PAPPA2: variants seen among roughly 807,000 people sequenced by gnomAD.
The protein encoded by PAPPA2 is pappalysin-2.
In PAPPA2, 86 loss-of-function variants were observed where a neutral mutation model predicts 176.4. That is an observed-to-expected ratio of 0.49 (90% CI 0.41 to 0.58). The LOEUF is 0.58. Among genes scored for constraint, PAPPA2 ranks in the 20% least tolerant of loss-of-function variants. PAPPA2 has a pLI of 0.00. For missense variants in PAPPA2, 2,073 were observed against 2,256.9 expected, an observed-to-expected ratio of 0.92 and a Z score of 1.65; for synonymous variants, 809 against 852.2, an observed-to-expected ratio of 0.95 and a Z score of 0.88.
intron 3 of PAPPA2, among the ~76,000 whole-genome samples, chr1:176,668,395 T>C (rs1175539953): frequency 1.3e-5 from 2 of 152,234 alleles, no homozygotes; most frequent in African/African-American, 4.8e-5. Context: ...ACTGCATTTA[T>C]GTATGGCATT....
At chr1:176,687,617 TA>T (rs1194174978) in intron 4 of PAPPA2, among the ~76,000 whole-genome samples, 1 of 152,214 alleles carries the variant, frequency 6.6e-6, no homozygotes, top group Non-Finnish European at 1.5e-5. Flanking sequence ...TTTTCATCTA[TA>T]TTTTCTTTAT....
intron 21 of PAPPA2, among the ~76,000 whole-genome samples, chr1:176,803,217 A>G (rs1328265964): frequency 1.3e-5 from 2 of 152,156 alleles, no homozygotes; most frequent in African/African-American, 4.8e-5. Context: ...CTGTATTGGG[A>G]ACTGGGTCAA....
intron 21 of PAPPA2, among the ~76,000 whole-genome samples, chr1:176,810,142 A>T (rs960176318): frequency 6.6e-6 from 1 of 152,158 alleles, no homozygotes; most frequent in East Asian, 1.9e-4. Context: ...GACGCCCCAC[A>T]TTCTCTGTGG....
Position 176,842,551 on chromosome 1 carries a change from T to G in PAPPA2, c.*97T>G. ...AAGGGTGAATGAAGAAGAACAATCATGAAATGGAAGAAGGAGGAAGAGCAT... is the reference window on the plus strand; with the variant it reads ...AAGGGTGAATGAAGAAGAACAATCAGGAAATGGAAGAAGGAGGAAGAGCAT... On this transcript the variant is annotated 3_prime_UTR_variant, in exon 23 of 23. Transcript: ENST00000367662. 8.9e-7 allele frequency: 1 copy of G among 1,121,726 alleles called. No homozygotes were observed. The highest frequency in any genetic ancestry group is 1.3e-6 in the Non-Finnish European group (1 of 757,208). 69.5% of individuals were successfully genotyped at this position (1,121,726 alleles called of 1,614,324 possible). A position where few individuals can be genotyped will look rare whatever the true frequency, so the allele number is the denominator to read the frequency against.
At position 176,700,206 on chromosome 1, in the gene PAPPA2, T is replaced by G. The variant is rs1660589549; in HGVS notation, c.3236+617T>G. 3.3e-5 allele frequency among the ~76,000 whole-genome samples: 5 copies of G among 152,218 alleles called. No homozygotes were observed. In the South Asian group the frequency reaches 1.0e-3, roughly 31 times the overall value. ...GTTCTACTATGTTCCTGGCACTGCA[T>G]GTTCAGTGCTGGGGGCACAGACTAA... On this transcript the variant is annotated intron_variant, in intron 8 of 22. Transcript: ENST00000367662.
chr1:176,785,822 A>G (rs866460641), intron 17 of PAPPA2, among the ~76,000 whole-genome samples: 1 of 152,134 alleles, frequency 6.6e-6, no homozygotes, highest in African/African-American at 2.4e-5. Context: ...GGCATTCTTG[A>G]ATGGCTCTTT....
chr1:176,538,796 T>G (rs1650216687), intron 1 of PAPPA2, among the ~76,000 whole-genome samples: 1 of 152,208 alleles, frequency 6.6e-6, no homozygotes, highest in South Asian at 2.1e-4. Flanking sequence ...CTGCCAGCTC[T>G]TCATTCATGG....
intron 14 of PAPPA2, among the ~76,000 whole-genome samples, chr1:176,761,567 A>G (rs17352504): frequency 0.071 from 10,850 of 152,304 alleles, 483 homozygotes; most frequent in Middle Eastern, 0.11. Context: ...ACTATTAGAT[A>G]TGCTATGTTT....
intron 2 of PAPPA2, among the ~76,000 whole-genome samples, chr1:176,578,681 C>T (rs1270401471): frequency 6.6e-6 from 1 of 152,136 alleles, no homozygotes; most frequent in Non-Finnish European, 1.5e-5. Flanking sequence ...CAGGATGAAA[C>T]TTAAGGTAAG....
intron 1 of PAPPA2, among the ~76,000 whole-genome samples, chr1:176,510,325 A>T (rs566633112): frequency 2.6e-4 from 40 of 152,336 alleles, no homozygotes; most frequent in Admixed American, 7.2e-4. Context: ...AAACCAGAAG[A>T]CAATGTAACA....
In PAPPA2 at chr1:176,469,755, C is replaced by T. The variant is rs142522929; in HGVS notation, c.-917+6337C>T. Among the ~76,000 whole-genome samples, 1,501 of 152,270 alleles carry T rather than the reference C, an allele frequency of 9.9e-3. 13 individuals are homozygous for T. Among genetic ancestry groups the T allele is most frequent in the Non-Finnish European group, 0.015 (1,053 of 68,026 alleles). On this transcript the variant is annotated intron_variant, in intron 1 of 22. Transcript: ENST00000367662. ...AGGAAGGTCTGAGACATTTCACACC[C>T]CTGCTCCCTCCTTAGGGGTCCACAG...
rs76858673 is a variant in PAPPA2 at position 176,775,043 on chromosome 1, G to A, written c.4715+3863G>A. Among the ~76,000 whole-genome samples the A allele has an allele frequency of 3.2e-3, 482 of 152,198 alleles. 5 individuals are homozygous for A. The highest frequency in any genetic ancestry group is 0.011 in the African/African-American group (453 of 41,538). ...TCCTACTCTCTTATTTTTAGTGCAGGTATGATGTTGTCCAGGAAGCCTACC... is the reference window on the plus strand; with the variant it reads ...TCCTACTCTCTTATTTTTAGTGCAGATATGATGTTGTCCAGGAAGCCTACC... On this transcript the variant is annotated intron_variant, in intron 17 of 22. Transcript: ENST00000367662.
At chr1:176,674,391 G>C (rs965251327) in intron 4 of PAPPA2, among the ~76,000 whole-genome samples, 7 of 152,020 alleles carry the variant, frequency 4.6e-5, no homozygotes, top group African/African-American at 1.7e-4. Flanking sequence ...CCAGTGTATA[G>C]TCTTTTATCC....
At chr1:176,492,631 G>A (rs959992167) in intron 1 of PAPPA2, among the ~76,000 whole-genome samples, 1 of 152,162 alleles carries the variant, frequency 6.6e-6, no homozygotes, top group African/African-American at 2.4e-5. Flanking sequence ...TGTGGTGGGG[G>A]TAGTGGTGGG....
chr1:176,808,462 G>T (rs1157836729), intron 21 of PAPPA2, among the ~76,000 whole-genome samples: 1 of 152,292 alleles, frequency 6.6e-6, no homozygotes, highest in South Asian at 2.1e-4. Flanking sequence ...ATAGAATAAA[G>T]TTCAGAAAGG....
intron 4 of PAPPA2, among the ~76,000 whole-genome samples, chr1:176,683,002 C>G (rs556471228): frequency 4.0e-4 from 58 of 146,034 alleles, no homozygotes; most frequent in Non-Finnish European, 2.5e-4. Flanking sequence ...CTCAAGTTGC[C>G]CAAAGCTATT....
chr1:176,735,399 T>C (rs1398145969), intron 12 of PAPPA2, among the ~76,000 whole-genome samples: 1 of 152,216 alleles, frequency 6.6e-6, no homozygotes, highest in Admixed American at 6.5e-5. Flanking sequence ...AGAAGATTCT[T>C]TTCAAGTTTG....
intron 3 of PAPPA2, among the ~76,000 whole-genome samples, chr1:176,654,863 T>G (rs1350352223): frequency 1.3e-5 from 2 of 151,790 alleles, no homozygotes. Context: ...TTAATTTGTT[T>G]TTCAGTTTGA....
chr1:176,700,059 G>A (rs927771690), intron 8 of PAPPA2, among the ~76,000 whole-genome samples: 3 of 152,174 alleles, frequency 2.0e-5, no homozygotes, highest in Admixed American at 2.0e-4. Context: ...CATGATATGA[G>A]TTTCATTCTT....
Sources: allele counts gnomAD v4.1 joint callset (sites outside exome capture counted in the v4.1 genomes callset), GRCh38; gene constraint gnomAD v4.1.1; transcripts MANE v1.5; gene names NCBI Gene and HGNC (gene_info 2026-07-23, HGNC 2026-07-21).